LRIG1: variants seen among roughly 807,000 people sequenced by gnomAD.
The protein encoded by LRIG1 is leucine rich repeats and immunoglobulin like domains 1.
A neutral mutation model predicts 99.2 loss-of-function variants in LRIG1; 48 were observed. That is an observed-to-expected ratio of 0.48 (90% CI 0.38 to 0.62). The LOEUF is 0.62. LRIG1 is among the 20% of genes least tolerant of loss of function. The pLI is 0.00. For synonymous variants in LRIG1, 772 were observed against 596.1 expected, an observed-to-expected ratio of 1.29 and a Z score of -4.30; for missense variants, 1,646 against 1,434.4, an observed-to-expected ratio of 1.15 and a Z score of -2.38.
At chr3:66,490,551 T>C (rs920551828) in intron 1 of LRIG1, among the ~76,000 whole-genome samples, 3 of 152,106 alleles carry the variant, frequency 2.0e-5, no homozygotes, top group Non-Finnish European at 2.9e-5. Context: ...ACCACACTGC[T>C]AAAACCAGAT....
chr3:66,386,152 C>T lies in LRIG1; in HGVS notation c.1618G>A (p.Ala540Thr). The T allele has an allele frequency of 6.2e-7, 1 of 1,614,136 alleles. No homozygotes were observed. Among genetic ancestry groups the T allele is most frequent in the Non-Finnish European group, 8.5e-7 (1 of 1,180,032 alleles). ...ACGTGGACAAAGTTCTCCATGTCTGCATTGGTCAGGACTTCATTGTCTTTC... is the reference window on the plus strand; with the variant it reads ...ACGTGGACAAAGTTCTCCATGTCTGTATTGGTCAGGACTTCATTGTCTTTC... ...WKKDNEVLTN[A>T]DMENFVHVHA... The change falls in exon 13 of 19, where the codon GCA becomes ACA. Residue 540 changes from alanine (A) to threonine (T), a missense_variant. Coordinates refer to ENST00000273261, the MANE Select transcript of LRIG1 (RefSeq NM_015541.3).
Position 66,386,218 on chromosome 3 carries a change from C to T in LRIG1, c.1552G>A (p.Ala518Thr). 1.2e-6 allele frequency: 2 copies of T among 1,614,126 alleles called. No homozygotes were observed. Among genetic ancestry groups the T allele is most frequent in the Non-Finnish European group, 1.7e-6 (2 of 1,180,018 alleles). Residue 518 changes from alanine to threonine, a missense_variant, in exon 13 of 19, where the codon GCA becomes ACA. Coordinates refer to ENST00000273261, the MANE Select transcript of LRIG1 (RefSeq NM_015541.3). The part of the protein sequence containing the change: ...VGKDIRFTCS[A>T]ASSSSSPMTF... ...ATGGGGGAGCTGCTGCTGCTGGCTG[C>T]TGAGCATGTAAACCGGATGTCCTTG...
In LRIG1 at chr3:66,399,212, G is replaced by A. The variant is rs190732441; in HGVS notation, c.1161-171C>T. Among the ~76,000 whole-genome samples, 198 of 152,326 alleles carry A rather than the reference G, an allele frequency of 1.3e-3. 1 individual carries two copies. The highest frequency in any genetic ancestry group is 2.6e-4 in the Non-Finnish European group (18 of 68,026). Reference sequence around the variant, plus strand: ...ACCTGCGCTGAGATTACGGGTTTGAGGCACGCAGGCCTTCCCCTTTCTGAA... The same window carrying A: ...ACCTGCGCTGAGATTACGGGTTTGAAGCACGCAGGCCTTCCCCTTTCTGAA... On this transcript the variant is annotated intron_variant, in intron 9 of 18. Coordinates refer to ENST00000273261, the MANE Select transcript of LRIG1 (RefSeq NM_015541.3).
intron 1 of LRIG1, among the ~76,000 whole-genome samples, chr3:66,463,269 A>G (rs1051406988): frequency 6.6e-6 from 1 of 152,244 alleles, no homozygotes; most frequent in Non-Finnish European, 1.5e-5. Flanking sequence ...ATCCTGAATC[A>G]TAAGGCTACT....
At chr3:66,418,487 G>C (rs1488782325) in intron 3 of LRIG1, among the ~76,000 whole-genome samples, 1 of 152,236 alleles carries the variant, frequency 6.6e-6, no homozygotes, top group Admixed American at 6.5e-5. Context: ...CAAGGCTAGA[G>C]GTAGCTAACC....
In LRIG1 at chr3:66,398,130, A is replaced by G. The variant is rs1338964857; in HGVS notation, c.1286T>C (p.Met429Thr). Residue 429 changes from methionine (M) to threonine (T), a missense_variant, in exon 11 of 19, where the codon ATG (methionine) becomes ACG (threonine). Coordinates refer to ENST00000273261, the MANE Select transcript of LRIG1 (RefSeq NM_015541.3). The part of the protein sequence containing the change: ...RSVQFDAFVK[M>T]KNLKELHISS... ...TACTTACAGCTCTTTAAGATTCTTC[A>G]TCTTCACAAAGGCATCAAACTGGAC... 1 of 1,613,988 alleles carries G rather than the reference A, an allele frequency of 6.2e-7. No homozygotes were observed. The highest frequency in any genetic ancestry group is 1.7e-5 in the Admixed American group (1 of 60,032).
At chr3:66,406,196 G>C in intron 8 of LRIG1, 1 of 985,480 alleles carries the variant, frequency 1.0e-6, no homozygotes, top group Non-Finnish European at 1.2e-6. Flanking sequence ...TCTTGTCACA[G>C]CAGGAAGGTC....
intron 8 of LRIG1, chr3:66,405,675 G>T: frequency 9.4e-7 from 1 of 1,064,932 alleles, no homozygotes; most frequent in Non-Finnish European, 1.2e-6. Context: ...TCCCTTTTCT[G>T]GACATGACCG....
intron 16 of LRIG1, among the ~76,000 whole-genome samples, chr3:66,381,985 T>C (rs966234077): frequency 2.6e-5 from 4 of 152,192 alleles, no homozygotes; most frequent in African/African-American, 9.7e-5. Context: ...GCTGGGTTCA[T>C]GCACCGTAAT....
intron 9 of LRIG1, among the ~76,000 whole-genome samples, chr3:66,402,260 C>T (rs1702087298): frequency 6.6e-6 from 1 of 152,140 alleles, no homozygotes; most frequent in African/African-American, 2.4e-5. Flanking sequence ...TCTGTGCCAT[C>T]GTGCAGGCCC....
intron 3 of LRIG1, among the ~76,000 whole-genome samples, chr3:66,423,172 G>T (rs1199687933): frequency 6.6e-6 from 1 of 152,200 alleles, no homozygotes; most frequent in Non-Finnish European, 1.5e-5. Context: ...AAAAGTTCTG[G>T]AGACTGGTTG....
At chr3:66,460,294 C>T (rs1700326792) in intron 2 of LRIG1, among the ~76,000 whole-genome samples, 1 of 152,186 alleles carries the variant, frequency 6.6e-6, no homozygotes, top group East Asian at 1.9e-4. Flanking sequence ...TGAATATATT[C>T]TAACCACAAG....
At chr3:66,406,604 CACT>C (rs999808823) in intron 8 of LRIG1, among the ~76,000 whole-genome samples, 1 of 152,228 alleles carries the variant, frequency 6.6e-6, no homozygotes, top group African/African-American at 2.4e-5. Context: ...AACCCGCCAC[CACT>C]GTCCTCTGAA....
chr3:66,468,979 T>C (rs370569111), intron 1 of LRIG1: 3 of 152,214 alleles, frequency 2.0e-5, no homozygotes, highest in Non-Finnish European at 4.4e-5. Context: ...TATTAGATGT[T>C]CTTACCTTTT....
intron 1 of LRIG1, among the ~76,000 whole-genome samples, chr3:66,486,947 C>T (rs1365370874): frequency 6.6e-6 from 1 of 152,162 alleles, no homozygotes; most frequent in Admixed American, 6.5e-5. Flanking sequence ...AGAGGAAAAA[C>T]TTGGAATTCC....
rs934181346 is a variant in LRIG1, at chr3:66,380,144, C to T, written c.*119G>A. Reference sequence around the variant, plus strand: ...CCAAGTCCTGTGAGCGACTGATACTCCACATGGGAGTTACAACTATGTACA... The same window carrying T: ...CCAAGTCCTGTGAGCGACTGATACTTCACATGGGAGTTACAACTATGTACA... On this transcript the variant is annotated 3_prime_UTR_variant, in exon 19 of 19. Coordinates refer to ENST00000273261, the MANE Select transcript of LRIG1 (RefSeq NM_015541.3). The T allele has an allele frequency of 1.2e-5, 9 of 767,526 alleles. No homozygotes were observed. In the African/African-American group the frequency reaches 1.4e-4, roughly 12 times the overall value. 47.5% of individuals were successfully genotyped at this position (767,526 alleles called of 1,614,324 possible).
At position 66,386,452 on chromosome 3, in the gene LRIG1, G is replaced by T. The variant is rs554814072; in HGVS notation, c.1469-151C>A. 9 of 652,246 alleles carry T rather than the reference G, an allele frequency of 1.4e-5. No individual in the cohort carries two copies. In the East Asian group the frequency reaches 1.6e-4, roughly 11 times the overall value. 40.4% of individuals were successfully genotyped at this position (652,246 alleles called of 1,614,324 possible). ...TCCTCAGCCCCACCAACCAGATGCC[G>T]TAAGAGTTGCACCATGGACATCTGA... is the stretch of plus-strand genomic sequence containing the variant. On this transcript the variant is annotated intron_variant, in intron 12 of 18. Transcript: ENST00000273261.
intron 1 of LRIG1, among the ~76,000 whole-genome samples, chr3:66,481,767 C>T (rs1289556060): frequency 1.3e-5 from 2 of 152,176 alleles, no homozygotes; most frequent in Admixed American, 1.3e-4. Context: ...ATGTCTAAAA[C>T]TCTATCACAA....
At chr3:66,486,187 A>G (rs1700970662) in intron 1 of LRIG1, among the ~76,000 whole-genome samples, 1 of 152,202 alleles carries the variant, frequency 6.6e-6, no homozygotes, top group African/African-American at 2.4e-5. Flanking sequence ...ATAACATTAT[A>G]GCTACCCTTC....
Sources: allele counts gnomAD v4.1 joint callset (sites outside exome capture counted in the v4.1 genomes callset), GRCh38; gene constraint gnomAD v4.1.1; transcripts MANE v1.5; gene names NCBI Gene and HGNC (gene_info 2026-07-23, HGNC 2026-07-21).